DOK7: variants seen among roughly 807,000 people sequenced by gnomAD.
DOK7 encodes the protein protein Dok-7.
Under a neutral mutation model 30.7 loss-of-function variants are expected in DOK7, and 32 were observed. The ratio of observed to expected loss-of-function variants is 1.04; its 90% CI spans 0.79 to 1.40. The LOEUF (loss-of-function observed/expected upper bound fraction) is 1.40, where lower values mean the gene tolerates loss of function less well. DOK7 is among the 40% of genes most tolerant of loss of function. The pLI is 0.00. For synonymous variants in DOK7, 447 were observed against 324.1 expected (o/e 1.38, Z -4.07); for missense variants, 1,007 against 699.2 (o/e 1.44, Z -4.97).
chr4:3,500,375 G>C (rs1449956691), exon 7 of DOK7: 1 of 1,535,932 alleles, frequency 6.5e-7, no homozygotes. Flanking sequence ...TGGGCCTGGA[G>C]CTCCAGGAGG....
At chr4:3,500,622 T>C (rs1210075225) in intron 7 of DOK7, 55 of 1,533,270 alleles carry the variant, frequency 3.6e-5, no homozygotes, top group Non-Finnish European at 4.7e-5. Context: ...GGGGGACTGG[T>C]GTGGAGGGCA....
intron 3 of DOK7, among the ~76,000 whole-genome samples, chr4:3,475,914 G>A (rs928244567): frequency 1.3e-5 from 2 of 152,084 alleles, no homozygotes; most frequent in Admixed American, 6.5e-5. Context: ...CCTGAACAAA[G>A]ATAGTTCCTG....
intron 2 of DOK7, among the ~76,000 whole-genome samples, chr4:3,468,504 G>A (rs1368894534): frequency 5.5e-5 from 8 of 146,186 alleles, no homozygotes; most frequent in African/African-American, 1.1e-4. Flanking sequence ...GTGCATGTGC[G>A]TGTGTGCGTG....
rs759738909 is a variant in DOK7, at chr4:3,485,569, A to AT, written c.563_564insT (p.Glu188AspfsTer73). ...GGCGTCTTCTTCCTGTCCTCGGCCG[A>AT]GGGGGAGCAGATCAGCTTCCTGTTC... On this transcript the variant is annotated frameshift_variant, in exon 5 of 7. Coordinates refer to ENST00000340083, the MANE Select transcript of DOK7 (RefSeq NM_173660.5). LOFTEE classifies it high-confidence loss of function. The AT allele has an allele frequency of 6.2e-7, 1 of 1,604,574 alleles. No individual in the cohort carries two copies. Among genetic ancestry groups the AT allele is most frequent in the South Asian group, 1.1e-5 (1 of 89,838 alleles).
downstream of DOK7, among the ~76,000 whole-genome samples, chr4:3,497,294 CTG>C (rs1223232828): frequency 2.0e-5 from 3 of 152,088 alleles, no homozygotes; most frequent in Admixed American, 6.5e-5. Context: ...GGAGGAGGGG[CTG>C]TGTCCTCAGA....
At chr4:3,489,627 G>A (rs1407456348) in intron 5 of DOK7, 50 bp from the exon 6 acceptor site, 2 of 1,555,776 alleles carry the variant, frequency 1.3e-6, no homozygotes, top group South Asian at 2.4e-5. Flanking sequence ...CTGCGGGCGA[G>A]GGTGGGCGGT....
downstream of DOK7, among the ~76,000 whole-genome samples, chr4:3,497,731 G>GAC (rs1243527204): frequency 6.6e-6 from 1 of 151,966 alleles, no homozygotes; most frequent in African/African-American, 2.4e-5. Context: ...GCCTGGAGGG[G>GAC]ACAGTCAGGG....
At chr4:3,468,559 A>C (rs2109323904) in intron 2 of DOK7, among the ~76,000 whole-genome samples, 1 of 128,854 alleles carries the variant, frequency 7.8e-6, no homozygotes, top group African/African-American at 3.1e-5. Flanking sequence ...TGCCTGTGTG[A>C]GCATGTATGA....
intron 5 of DOK7, among the ~76,000 whole-genome samples, chr4:3,489,202 C>A (rs957333383): frequency 2.6e-5 from 4 of 152,110 alleles, no homozygotes; most frequent in Non-Finnish European, 5.9e-5. Context: ...CATCCGAGAC[C>A]CCAGGGAACG....
chr4:3,493,533 G>A lies in DOK7; in HGVS notation c.*32G>A. On this transcript the variant is annotated 3_prime_UTR_variant, in exon 7 of 7. Coordinates refer to ENST00000340083, the MANE Select transcript of DOK7 (RefSeq NM_173660.5). ...CAGATCCCGCCCCGCGGCTGCAAAG[G>A]GGCTGAATTTGCCCCCAGATGGCAG... is the stretch of plus-strand genomic sequence containing the variant. The A allele has an allele frequency of 4.4e-6, 7 of 1,604,700 alleles. No homozygotes were observed. The highest frequency in any genetic ancestry group is 6.0e-6 in the Non-Finnish European group (7 of 1,176,044).
In DOK7 at chr4:3,493,743, C is replaced by G. The variant is rs1481212305; in HGVS notation, c.*242C>G. 3.0e-5 allele frequency: 42 copies of G among 1,419,986 alleles called. No homozygotes were observed. The highest frequency in any genetic ancestry group is 6.0e-5 in the Admixed American group (2 of 33,552). The allele number at this position is 1,419,986 out of a possible 1,614,324, so 88.0% of individuals were successfully genotyped here. A position where few individuals can be genotyped will look rare whatever the true frequency, so the allele number is the denominator to read the frequency against. On this transcript the variant is annotated 3_prime_UTR_variant, in exon 7 of 7. Coordinates refer to ENST00000340083, the MANE Select transcript of DOK7 (RefSeq NM_173660.5). ...CCGGCAGGTCGGGGTCACCAGAGCC[C>G]CAATGCTCAGCTGCTTCACTCCGTG...
At chr4:3,468,121 T>C (rs116118508) in intron 2 of DOK7, among the ~76,000 whole-genome samples, 5,234 of 152,268 alleles carry the variant, frequency 0.034, 308 homozygotes, top group African/African-American at 0.12. Context: ...TGTGTGTGCA[T>C]GTGAATACCT....
intron 4 of DOK7, among the ~76,000 whole-genome samples, chr4:3,482,594 C>T (rs1463545892): frequency 7.2e-5 from 11 of 152,368 alleles, no homozygotes; most frequent in Non-Finnish European, 1.3e-4. Flanking sequence ...GGAGAAGGAG[C>T]GGCCTCTGAG....
In DOK7 at chr4:3,493,029, A is replaced by G. The variant is rs1728614225; in HGVS notation, c.1043A>G (p.Tyr348Cys). ...ATCGCCACTGGCAGCCACTCCTCTT[A>G]CTCCAGCAGCCTCTCGTCCTACGCG... is the stretch of plus-strand genomic sequence containing the variant. Reference protein sequence around the residue: ...SGIATGSHSSYSSSLSSYAGS... With the variant: ...SGIATGSHSSCSSSLSSYAGS... Residue 348 changes from tyrosine to cysteine, a missense_variant, in exon 7 of 7, where the codon TAC (tyrosine) becomes TGC (cysteine). By Grantham distance (194) the Tyr-to-Cys change is radical (BLOSUM62 -2). Transcript: ENST00000340083. 1 of 1,569,994 alleles carries G rather than the reference A, an allele frequency of 6.4e-7. No individual in the cohort carries two copies.
intron 3 of DOK7, 83 bp downstream of exon 3, chr4:3,473,719 G>A (rs1354964237): frequency 1.5e-6 from 2 of 1,315,656 alleles, no homozygotes; most frequent in African/African-American, 1.5e-5. Context: ...TGCAGAGGTG[G>A]GAGCGGCTCC....
intron 3 of DOK7, 101 bp downstream of exon 3, chr4:3,473,737 CGT>C: frequency 8.6e-7 from 1 of 1,159,058 alleles, no homozygotes; most frequent in Admixed American, 2.5e-5. Flanking sequence ...TCCAGGGAAC[CGT>C]GCAGGAAGAT....
In DOK7 at chr4:3,490,066, C is replaced by T. The variant is rs79661487; in HGVS notation, c.772+270C>T. On this transcript the variant is annotated intron_variant, in intron 6 of 6. Coordinates refer to ENST00000340083, the MANE Select transcript of DOK7 (RefSeq NM_173660.5). ...CTCCTACTCATTAATTCCTTCCTCC[C>T]CCCATTCCTTTCTTCACCCCCTCAT... 0.028 allele frequency among the ~76,000 whole-genome samples: 1,890 copies of T among 67,780 alleles called. 37 individuals are homozygous for T. Among genetic ancestry groups the T allele is most frequent in the Non-Finnish European group, 0.041 (1,433 of 35,204 alleles). 44.5% of individuals were successfully genotyped at this position (67,780 alleles called of 152,430 possible).
At chr4:3,467,142 C>T (rs934509930) in intron 2 of DOK7, among the ~76,000 whole-genome samples, 6 of 152,086 alleles carry the variant, frequency 3.9e-5, no homozygotes, top group African/African-American at 7.2e-5. Flanking sequence ...AAGGCTGTCC[C>T]GCAGCCACTT....
chr4:3,489,721 C>A lies in DOK7; in HGVS notation c.697C>A (p.Gln233Lys). Residue 233 changes from glutamine to lysine, a missense_variant, in exon 6 of 7, where the codon CAG (glutamine) becomes AAG (lysine). By Grantham distance (53) the Gln-to-Lys change is moderately conservative. Transcript: ENST00000340083. Reference sequence around the variant, plus strand: ...CTCGACTGTGGAGGAGCGTGTGGCCCAGGAAGCCCTGGAAACCCTACAGCT... The same window carrying A: ...CTCGACTGTGGAGGAGCGTGTGGCCAAGGAAGCCCTGGAAACCCTACAGCT... Reference protein sequence around the residue: ...GPSTVEERVAQEALETLQLEK... With the variant: ...GPSTVEERVAKEALETLQLEK... 7.0e-6 allele frequency: 11 copies of A among 1,565,272 alleles called. No individual in the cohort carries two copies. The highest frequency in any genetic ancestry group is 9.5e-6 in the Non-Finnish European group (11 of 1,155,010).
Sources: gnomAD v4.1 joint callset for allele counts (sites outside exome capture counted in the v4.1 genomes callset) on GRCh38, gnomAD v4.1.1 for gene constraint, MANE v1.5 for transcripts, NCBI Gene and HGNC (gene_info 2026-07-23, HGNC 2026-07-21) for gene names.